Variants in PALLD observed in about 807,000 individuals in gnomAD.
The protein encoded by PALLD is palladin.
Under a neutral mutation model 123.5 loss-of-function variants are expected in PALLD, and 61 were observed. That is an observed-to-expected ratio of 0.49 (90% CI 0.40 to 0.61). The LOEUF is 0.61. PALLD is among the 20% of genes least tolerant of loss of function. The pLI is 0.00. For missense variants in PALLD, 1,273 were observed against 1,377.0 expected (o/e 0.92, Z 1.20); for synonymous variants, 465 against 496.4 (o/e 0.94, Z 0.84).
chr4:168,764,898 C>T (rs1733453465), intron 10 of PALLD, among the ~76,000 whole-genome samples: 1 of 152,182 alleles, frequency 6.6e-6, no homozygotes, highest in African/African-American at 2.4e-5. Flanking sequence ...TCAGAGCATG[C>T]TGAGTGAGCT....
In PALLD at chr4:168,691,283, G is replaced by A. The variant is rs775558581; in HGVS notation, c.1492G>A (p.Ala498Thr). The A allele has an allele frequency of 1.2e-5, 19 of 1,609,298 alleles. No individual in the cohort carries two copies. The highest frequency in any genetic ancestry group is 1.7e-6 in the Non-Finnish European group (2 of 1,177,366). The change falls in exon 8 of 22, where the codon GCT (alanine) becomes ACT (threonine). Residue 498 changes from alanine to threonine, a missense_variant. Around this residue, in one of 2 missense-constraint regions of PALLD, gnomAD observed 944 missense variants for 954.5 expected, o/e 0.99. Transcript: ENST00000505667. ...GTGGCAAACAGAACCTAGATCTACA[G>A]CTGAACCTGGTAAGAATATTTTTAG... ...RILQKKPRST[A>T]EPEEICTLVI...
chr4:168,620,406 G>T (rs1215984961), intron 2 of PALLD, among the ~76,000 whole-genome samples: 1 of 152,182 alleles, frequency 6.6e-6, no homozygotes, highest in Non-Finnish European at 1.5e-5. Flanking sequence ...AGTGAGCTGA[G>T]ATCGCACCAC....
At chr4:168,680,285 C>T (rs1223018174) in intron 3 of PALLD, among the ~76,000 whole-genome samples, 2 of 151,284 alleles carry the variant, frequency 1.3e-5, no homozygotes, top group Non-Finnish European at 2.9e-5. Flanking sequence ...CGAGACCAGC[C>T]TGGCCAACAT....
At chr4:168,538,554 A>G (rs1765304915) in intron 2 of PALLD, among the ~76,000 whole-genome samples, 1 of 152,168 alleles carries the variant, frequency 6.6e-6, no homozygotes, top group South Asian at 2.1e-4. Context: ...CTTATGATTC[A>G]GTTATTATAC....
chr4:168,658,107 G>T (rs960044550), intron 2 of PALLD, among the ~76,000 whole-genome samples: 3 of 152,082 alleles, frequency 2.0e-5, no homozygotes, highest in Admixed American at 6.5e-5. Context: ...AGACAATGAG[G>T]CTGCTTCATC....
chr4:168,512,581 C>T (rs964299876), intron 2 of PALLD, among the ~76,000 whole-genome samples, 169 bp downstream of exon 2: 4 of 152,096 alleles, frequency 2.6e-5, no homozygotes, highest in African/African-American at 9.7e-5. Flanking sequence ...CCTAGTTGTC[C>T]CTGGCCTGAT....
chr4:168,576,649 G>A (rs1280183923), intron 2 of PALLD, among the ~76,000 whole-genome samples: 1 of 152,050 alleles, frequency 6.6e-6, no homozygotes, highest in Non-Finnish European at 1.5e-5. Context: ...TGGACATTTG[G>A]GTTGGTTCCA....
intron 11 of PALLD, among the ~76,000 whole-genome samples, chr4:168,893,157 T>C (rs1340897571): frequency 1.3e-5 from 2 of 152,122 alleles, no homozygotes; most frequent in Non-Finnish European, 2.9e-5. Context: ...AGAGTGAAAA[T>C]CACTCCAGGC....
chr4:168,586,559 A>G (rs1479159365), intron 2 of PALLD, among the ~76,000 whole-genome samples: 1 of 152,192 alleles, frequency 6.6e-6, no homozygotes, highest in East Asian at 1.9e-4. Context: ...AGAGATTTCT[A>G]GAACTGCCAA....
chr4:168,893,251 T>C (rs1374076262), intron 11 of PALLD, among the ~76,000 whole-genome samples: 3 of 152,178 alleles, frequency 2.0e-5, no homozygotes, highest in Non-Finnish European at 4.4e-5. Flanking sequence ...TCTTTGAAAA[T>C]TGAATTCACT....
chr4:168,734,457 G>C (rs916286626), intron 10 of PALLD, among the ~76,000 whole-genome samples: 1 of 152,122 alleles, frequency 6.6e-6, no homozygotes, highest in Non-Finnish European at 1.5e-5. Flanking sequence ...GAGAGGAGGG[G>C]ATGTGGTGGA....
intron 10 of PALLD, among the ~76,000 whole-genome samples, chr4:168,794,534 A>G (rs1738210925): frequency 6.6e-6 from 1 of 150,978 alleles, no homozygotes; most frequent in South Asian, 2.1e-4. Context: ...ACACACACAC[A>G]CACACCCCTC....
At chr4:168,607,074 G>A (rs755651194) in intron 2 of PALLD, among the ~76,000 whole-genome samples, 1 of 152,152 alleles carries the variant, frequency 6.6e-6, no homozygotes, top group Non-Finnish European at 1.5e-5. Flanking sequence ...AAAGGCACGG[G>A]GGCTGGGAGA....
rs533742520 is a variant in PALLD, at chr4:168,807,855, G to A, written c.1965-83067G>A. On this transcript the variant is annotated intron_variant, in intron 10 of 21. Transcript: ENST00000505667. ...AGAGTAACTGGGATTACAGGCATGC[G>A]CCACCATGCCCAGCTAATTTTTGTA... 2.6e-5 allele frequency among the ~76,000 whole-genome samples: 4 copies of A among 152,064 alleles called. No homozygotes were observed. The South Asian group carries it at 6.2e-4, about 24-fold the overall frequency.
chr4:168,814,407 ATGCATTAACTAATAGATTATATGGAC>A (rs1168860481), intron 10 of PALLD, among the ~76,000 whole-genome samples: 1 of 152,208 alleles, frequency 6.6e-6, no homozygotes, highest in Non-Finnish European at 1.5e-5. Flanking sequence ...GAGGGTGGAA[ATGCATTAACTAATAGATTATATGGAC>A]TGCCTTAAGC....
intron 2 of PALLD, among the ~76,000 whole-genome samples, chr4:168,523,822 C>A (rs1168365263): frequency 6.6e-6 from 1 of 152,136 alleles, no homozygotes; most frequent in South Asian, 2.1e-4. Context: ...GCTAAAATTG[C>A]CATTTTCATG....
intron 8 of PALLD, among the ~76,000 whole-genome samples, chr4:168,697,800 A>G (rs4429700): frequency 0.27 from 41,214 of 152,128 alleles, 6,791 homozygotes; most frequent in African/African-American, 0.46. Context: ...AATGCTTAGC[A>G]TTCCAATAAT....
chr4:168,642,423 A>G (rs1777049373), intron 2 of PALLD, among the ~76,000 whole-genome samples: 1 of 151,902 alleles, frequency 6.6e-6, no homozygotes, highest in Non-Finnish European at 1.5e-5. Flanking sequence ...TATTTTTGAG[A>G]TGGAGTTTCA....
intron 2 of PALLD, among the ~76,000 whole-genome samples, 193 bp downstream of exon 2, chr4:168,512,605 T>C (rs1027150822): frequency 6.6e-5 from 10 of 152,124 alleles, no homozygotes; most frequent in Non-Finnish European, 1.0e-4. Context: ...TCTGTGGTCA[T>C]GCACCCTCTG....
Sources: allele counts gnomAD v4.1 joint callset (sites outside exome capture counted in the v4.1 genomes callset), GRCh38; gene constraint gnomAD v4.1.1; regional missense constraint gnomAD v4.1.1; transcripts MANE v1.5; gene names NCBI Gene and HGNC (gene_info 2026-07-23, HGNC 2026-07-21).